The following SH2B2 variants were observed in gnomAD, a reference collection of about 807,000 sequenced individuals.
The protein encoded by SH2B2 is SH2B adaptor protein 2, also known as SH2B adapter protein 2.
In SH2B2, 37 loss-of-function variants were observed where a neutral mutation model predicts 35.7. The observed-to-expected ratio is 1.04, with a 90% CI of 0.80 to 1.36. The LOEUF (loss-of-function observed/expected upper bound fraction) is 1.36. SH2B2 is among the 40% of genes most tolerant of loss of function. The pLI, the probability that SH2B2 is intolerant of heterozygous loss-of-function variation, is 0.00. For synonymous variants in SH2B2, 383 were observed against 376.4 expected, an observed-to-expected ratio of 1.02 and a Z score of -0.20; for missense variants, 852 against 817.7, an observed-to-expected ratio of 1.04 and a Z score of -0.51.
intron 3 of SH2B2, 137 bp from the exon 4 acceptor site, chr7:102,308,677 TC>T (rs1793495845): frequency 1.4e-6 from 1 of 702,162 alleles, no homozygotes; most frequent in South Asian, 1.6e-5. Context: ...GACCCCACTT[TC>T]TTTCCTGCTG....
chr7:102,320,604 C>T, intron 8 of SH2B2, 102 bp downstream of exon 8: 2 of 1,425,544 alleles, frequency 1.4e-6, no homozygotes, highest in South Asian at 2.7e-5. Flanking sequence ...GGTCTCCTGT[C>T]CCATAGCCTC....
chr7:102,289,380 G>C (rs1792586941), intron 1 of SH2B2, among the ~76,000 whole-genome samples: 1 of 152,150 alleles, frequency 6.6e-6, no homozygotes. Flanking sequence ...GGGCGTTCCC[G>C]AGGCCTCTGT....
chr7:102,306,238 C>T (rs565342999), intron 2 of SH2B2, among the ~76,000 whole-genome samples: 1 of 152,298 alleles, frequency 6.6e-6, no homozygotes, highest in Admixed American at 6.5e-5. Flanking sequence ...AGGCATGCAC[C>T]ACCACGCCTG....
At chr7:102,312,668 CCTT>C (rs1363823681) in intron 4 of SH2B2, among the ~76,000 whole-genome samples, 2 of 152,084 alleles carry the variant, frequency 1.3e-5, no homozygotes, top group East Asian at 3.9e-4. Flanking sequence ...GCTTTCCTTT[CCTT>C]CTTCCGTTTC....
chr7:102,317,095 A>G, intron 6 of SH2B2, 92 bp from the exon 7 acceptor site: 17 of 1,079,652 alleles, frequency 1.6e-5, no homozygotes, highest in East Asian at 2.7e-5. Flanking sequence ...ATGTAAAAAA[A>G]CCAACAAGAC....
At chr7:102,291,714 G>T (rs1792677896) in intron 1 of SH2B2, among the ~76,000 whole-genome samples, 1 of 152,230 alleles carries the variant, frequency 6.6e-6, no homozygotes, top group Non-Finnish European at 1.5e-5. Context: ...CCTACCTTGT[G>T]GGGATGTGGT....
At chr7:102,312,331 C>T (rs1295926837) in intron 4 of SH2B2, among the ~76,000 whole-genome samples, 3 of 152,102 alleles carry the variant, frequency 2.0e-5, no homozygotes, top group African/African-American at 4.8e-5. Context: ...GCCGAGATCA[C>T]ACCACTGCAC....
intron 3 of SH2B2, among the ~76,000 whole-genome samples, chr7:102,307,499 T>A (rs1264055110): frequency 5.3e-5 from 8 of 152,328 alleles, no homozygotes; most frequent in African/African-American, 1.9e-4. Context: ...TTTGTGTTTC[T>A]GCCCGTTCTC....
intron 1 of SH2B2, among the ~76,000 whole-genome samples, chr7:102,295,818 G>A (rs915972739): frequency 6.6e-6 from 1 of 152,086 alleles, no homozygotes; most frequent in African/African-American, 2.4e-5. Context: ...GCAGGGAAAA[G>A]GTCAGGCATG....
intron 2 of SH2B2, among the ~76,000 whole-genome samples, chr7:102,303,795 G>A (rs1779857774): frequency 6.6e-6 from 1 of 152,224 alleles, no homozygotes; most frequent in African/African-American, 2.4e-5. Context: ...CTGAGTGACA[G>A]TCACAGCTGC....
At chr7:102,315,744 G>GAAAAAAAAAAAAAAA (rs61456197) in intron 6 of SH2B2, among the ~76,000 whole-genome samples, 6 of 90,556 alleles carry the variant, frequency 6.6e-5, no homozygotes, top group Admixed American at 1.6e-4. Context: ...CCTGTGAAAA[G>GAAAAAAAAAAAAAAA]AAAAAAAAAA....
rs1793881230 is a variant in SH2B2, at chr7:102,317,300, G to A, written c.1300G>A (p.Gly434Arg). 1 of 1,613,270 alleles carries A rather than the reference G, an allele frequency of 6.2e-7. No homozygotes were observed. Among genetic ancestry groups the A allele is most frequent in the Non-Finnish European group, 8.5e-7 (1 of 1,179,340 alleles). The change falls in exon 7 of 9, where the codon GGG becomes AGG. Residue 434 changes from glycine to arginine, a missense_variant. Coordinates refer to ENST00000444095, the MANE Select transcript of SH2B2 (RefSeq NM_001359228.2). ...CAAGGCTGCTCAACTGGTTCTGGCA[G>A]GGGGGCCCCGGAACCACGGCCTCTT... ...RVKAAQLVLA[G>R]GPRNHGLFVI...
At chr7:102,305,607 T>A (rs1554554674) in intron 2 of SH2B2, among the ~76,000 whole-genome samples, 1 of 152,152 alleles carries the variant, frequency 6.6e-6, no homozygotes, top group African/African-American at 2.4e-5. Flanking sequence ...ATAGAAAATA[T>A]CACACTCTAT....
At chr7:102,302,299 C>T (rs62486285) in intron 2 of SH2B2, among the ~76,000 whole-genome samples, 1,747 of 152,362 alleles carry the variant, frequency 0.011, 16 homozygotes, top group South Asian at 0.034. Context: ...GCAGAGGGCT[C>T]CCTGGGAGGT....
intron 6 of SH2B2, among the ~76,000 whole-genome samples, chr7:102,316,151 C>G (rs782325074): frequency 6.6e-6 from 1 of 152,080 alleles, no homozygotes; most frequent in Non-Finnish European, 1.5e-5. Context: ...GTGGCACAGG[C>G]TTATAGTCCT....
intron 1 of SH2B2, among the ~76,000 whole-genome samples, chr7:102,291,096 A>G (rs1554551720): frequency 1.3e-5 from 2 of 152,300 alleles, no homozygotes; most frequent in Admixed American, 6.5e-5. Context: ...CAGCATGTCA[A>G]ATGACCAGAG....
chr7:102,304,373 G>A (rs1793311856), intron 2 of SH2B2, among the ~76,000 whole-genome samples: 1 of 152,152 alleles, frequency 6.6e-6, no homozygotes. Flanking sequence ...CCTATGCCAG[G>A]CCAAGCCCTG....
upstream of SH2B2, among the ~76,000 whole-genome samples, chr7:102,286,163 G>A (rs1792436377): frequency 6.6e-6 from 1 of 152,246 alleles, no homozygotes; most frequent in Non-Finnish European, 1.5e-5. Context: ...ACACCTCTCC[G>A]GGTGGCATCA....
intron 1 of SH2B2, among the ~76,000 whole-genome samples, chr7:102,290,584 C>T (rs1188570431): frequency 2.0e-5 from 3 of 152,138 alleles, no homozygotes; most frequent in African/African-American, 4.8e-5. Context: ...GTCCATTCTG[C>T]AGCCCTGGAC....
Sources: gnomAD v4.1 joint callset for allele counts (sites outside exome capture counted in the v4.1 genomes callset) on GRCh38, gnomAD v4.1.1 for gene constraint, MANE v1.5 for transcripts, NCBI Gene and HGNC (gene_info 2026-07-23, HGNC 2026-07-21) for gene names.